The following VIL1 variants were observed in gnomAD, a reference collection of about 807,000 sequenced individuals.
VIL1 encodes the protein villin 1.
Under a neutral mutation model 104.0 loss-of-function variants are expected in VIL1, and 86 were observed. The ratio of observed to expected loss-of-function variants is 0.83; its 90% CI spans 0.69 to 0.99. The LOEUF is 0.99. Ranked by LOEUF, VIL1 falls within the 50% of genes least tolerant of loss-of-function variation. VIL1 has a pLI of 0.00. For synonymous variants in VIL1, 394 were observed against 412.6 expected, an observed-to-expected ratio of 0.95 and a Z score of 0.55; for missense variants, 944 against 1,054.1, an observed-to-expected ratio of 0.90 and a Z score of 1.45.
In VIL1 at chr2:218,430,721, C is replaced by T. The variant is rs772701234; in HGVS notation, c.949-4C>T. The T allele has an allele frequency of 5.1e-6, 8 of 1,577,724 alleles. No homozygotes were observed. In the South Asian group the frequency reaches 9.4e-5, roughly 18 times the overall value. On this transcript the variant is annotated splice_region_variant and splice_polypyrimidine_tract_variant and intron_variant, in intron 9 of 19. Coordinates refer to ENST00000248444, the MANE Select transcript of VIL1 (RefSeq NM_007127.3). ...TAGCTTCCAGCCACCCCTTTCTCTT[C>T]CAGAACTTCATCAAAGCCAAGCAGT...
Position 218,432,117 on chromosome 2 carries a change from C to A in VIL1, c.1275C>A (p.Asp425Glu), listed in dbSNP as rs145595044. 1.2e-6 allele frequency: 2 copies of A among 1,613,886 alleles called. No homozygotes were observed. The highest frequency in any genetic ancestry group is 2.2e-5 in the South Asian group (2 of 91,066). The stretch of plus-strand genomic sequence containing the variant: ...GGCTAGGCCACTTCTATGGGGGCGA[C>A]TGCTACCTGCTGCTCTACACCTACC... Reference protein sequence around the residue: ...SKWLGHFYGGDCYLLLYTYLI... With the variant: ...SKWLGHFYGGECYLLLYTYLI... Residue 425 changes from aspartate to glutamate, a missense_variant, in exon 12 of 20, where the codon GAC (aspartate) becomes GAA (glutamate). Physicochemically the swap from Asp to Glu is conservative, Grantham distance 45 (BLOSUM62 2). Coordinates refer to ENST00000248444, the MANE Select transcript of VIL1 (RefSeq NM_007127.3).
In VIL1 at chr2:218,425,668, G is replaced by A. The variant is rs1688969130; in HGVS notation, c.204G>A (p.Gln68=). The change falls in exon 4 of 20, where the codon CAG becomes CAA. Residue 68 remains glutamine, a synonymous_variant. Coordinates refer to ENST00000248444, the MANE Select transcript of VIL1 (RefSeq NM_007127.3). ...ATGACATCCACTACTGGATTGGCCA[G>A]GACTCATCCCTGGATGAGCAGGGGG... ...LSYDIHYWIG[Q]DSSLDEQGAA... The A allele has an allele frequency of 6.2e-7, 1 of 1,614,094 alleles. No homozygotes were observed. Among genetic ancestry groups the A allele is most frequent in the African/African-American group, 1.3e-5 (1 of 74,926 alleles).
chr2:218,429,832 A>G lies in VIL1; in HGVS notation c.850-17A>G, dbSNP rs748240630. 5.6e-6 allele frequency: 9 copies of G among 1,608,772 alleles called. No individual in the cohort carries two copies. In the East Asian group the frequency reaches 8.9e-5, roughly 16 times the overall value. ...GCACCTCCAGCTCCATCAGACTCTT[A>G]CCTCTCCCGACTCTAGGACTGTTAC... On this transcript the variant is annotated splice_polypyrimidine_tract_variant and intron_variant, in intron 8 of 19. Transcript: ENST00000248444.
At chr2:218,432,545 T>G (rs1241152727) in intron 12 of VIL1, 1 of 718,974 alleles carries the variant, frequency 1.4e-6, no homozygotes, top group Non-Finnish European at 2.5e-6. Context: ...AGGTTTGGGG[T>G]TAAGGCTGGG....
intron 9 of VIL1, 141 bp downstream of exon 9, chr2:218,430,088 A>G (rs1311444279): frequency 8.9e-6 from 7 of 785,410 alleles, no homozygotes; most frequent in Non-Finnish European, 1.2e-5. Flanking sequence ...GAGGAGCAGG[A>G]TGAGGGCTGG....
chr2:218,424,422 T>C lies in VIL1; in HGVS notation c.150+71T>C, dbSNP rs1688945756. The C allele has an allele frequency of 3.3e-6, 5 of 1,504,518 alleles. No individual in the cohort carries two copies. The South Asian group carries it at 3.4e-5, about 10-fold the overall frequency. The allele number at this position is 1,504,518 out of a possible 1,614,324, so 93.2% of individuals were successfully genotyped here. A position where few individuals can be genotyped will look rare whatever the true frequency, so the allele number is the denominator to read the frequency against. On this transcript the variant is annotated intron_variant, in intron 3 of 19. Coordinates refer to ENST00000248444, the MANE Select transcript of VIL1 (RefSeq NM_007127.3). The stretch of plus-strand genomic sequence containing the variant: ...CTGTGGTGTCAGGGAGGAAACAGGC[T>C]GGGGGCCGTGGGGAGAGTTGGCCTG...
intron 17 of VIL1, among the ~76,000 whole-genome samples, chr2:218,437,674 G>A (rs889087339): frequency 2.0e-4 from 30 of 152,224 alleles, no homozygotes; most frequent in African/African-American, 6.5e-4. Context: ...CAGCAGAGGT[G>A]AGAATGTTCT....
chr2:218,442,620 C>T (rs558998704), intron 19 of VIL1, among the ~76,000 whole-genome samples: 2 of 152,258 alleles, frequency 1.3e-5, no homozygotes, highest in Non-Finnish European at 2.9e-5. Context: ...ACAGCGACTG[C>T]ACCCAGCCTA....
chr2:218,424,237 T>C, intron 2 of VIL1, 40 bp from the exon 3 acceptor site: 1 of 1,587,830 alleles, frequency 6.3e-7, no homozygotes. Context: ...GGGGTCCTGG[T>C]GGTCCAGGGC....
intron 10 of VIL1, 42 bp from the exon 11 acceptor site, chr2:218,431,815 C>A: frequency 6.4e-7 from 1 of 1,560,804 alleles, no homozygotes; most frequent in Admixed American, 1.8e-5. Context: ...CCTGGGAGAC[C>A]TCAGCTGGTG....
Position 218,424,276 on chromosome 2 carries a change from G to A in VIL1, c.76-1G>A. ...CCCTCTGACCCTCTTTCTCTCCTTA[G>A]GCCATGCAGATGGTGCCTGTTCCTT... is the stretch of plus-strand genomic sequence containing the variant. On this transcript the variant is annotated splice_acceptor_variant, in intron 2 of 19. Transcript: ENST00000248444. LOFTEE classifies it high-confidence loss of function. 1.9e-6 allele frequency: 3 copies of A among 1,613,978 alleles called. No individual in the cohort carries two copies. The highest frequency in any genetic ancestry group is 1.7e-6 in the Non-Finnish European group (2 of 1,179,996).
At chr2:218,435,150 A>C (rs1689166931) in intron 14 of VIL1, 139 bp from the exon 15 acceptor site, 2 of 1,145,062 alleles carry the variant, frequency 1.7e-6, no homozygotes, top group African/African-American at 1.6e-5. Context: ...AAAGCATGGA[A>C]TTGTCCCTGT....
Position 218,437,174 on chromosome 2 carries a change from A to G in VIL1, c.2022A>G (p.Ala674=). 6.2e-7 allele frequency: 1 copy of G among 1,614,184 alleles called. No individual in the cohort carries two copies. Among genetic ancestry groups the G allele is most frequent in the Non-Finnish European group, 8.5e-7 (1 of 1,180,028 alleles). ...KHANEEEKKA[A]ATTAQEYLKT... is the part of the protein sequence containing the mutation. ...CCAACGAGGAGGAGAAGAAGGCCGC[A>G]GCAACCACTGCACAGGAATACCTCA... Residue 674 remains alanine, a synonymous_variant, in exon 17 of 20, where the codon GCA becomes GCG. Coordinates refer to ENST00000248444, the MANE Select transcript of VIL1 (RefSeq NM_007127.3).
chr2:218,420,578 G>GTTT (rs71064448), intron 1 of VIL1, among the ~76,000 whole-genome samples: 5 of 131,264 alleles, frequency 3.8e-5, no homozygotes, highest in Non-Finnish European at 3.4e-5. Flanking sequence ...ATGAGTATTT[G>GTTT]TTTTTTTTTT....
At chr2:218,444,699 G>A (rs111319182) in intron 19 of VIL1, among the ~76,000 whole-genome samples, 1,881 of 152,340 alleles carry the variant, frequency 0.012, 46 homozygotes, top group African/African-American at 0.043. Context: ...AATCTTGCAA[G>A]GTGAGCCAGT....
chr2:218,446,767 T>A (rs1215482286), intron 19 of VIL1, among the ~76,000 whole-genome samples: 1 of 47,290 alleles, frequency 2.1e-5, no homozygotes. Flanking sequence ...TGACTTTTTT[T>A]TTTTTTTTTT....
At chr2:218,439,999 C>T (rs1689260795) in intron 18 of VIL1, among the ~76,000 whole-genome samples, 1 of 152,044 alleles carries the variant, frequency 6.6e-6, no homozygotes, top group African/African-American at 2.4e-5. Flanking sequence ...AGTTCACAAG[C>T]ACACTGGGGT....
At chr2:218,421,974 C>A (rs1478320515) in intron 1 of VIL1, among the ~76,000 whole-genome samples, 1 of 152,148 alleles carries the variant, frequency 6.6e-6, no homozygotes, top group Non-Finnish European at 1.5e-5. Context: ...AGGGACGGGG[C>A]CCGGCGCGGT....
At chr2:218,444,491 G>A (rs1574820844) in intron 19 of VIL1, among the ~76,000 whole-genome samples, 1 of 150,978 alleles carries the variant, frequency 6.6e-6, no homozygotes, top group African/African-American at 2.4e-5. Context: ...TGTTAGCCAG[G>A]ATGGTCTCGA....
Sources: gnomAD v4.1 joint callset for allele counts (sites outside exome capture counted in the v4.1 genomes callset) on GRCh38, gnomAD v4.1.1 for gene constraint, MANE v1.5 for transcripts, NCBI Gene and HGNC (gene_info 2026-07-23, HGNC 2026-07-21) for gene names.